The following DMD variants were observed in gnomAD, a reference collection of about 807,000 sequenced individuals.
DMD encodes mutant dystrophin.
Under a neutral mutation model 330.1 loss-of-function variants are expected in DMD, and 63 were observed. That is an observed-to-expected ratio of 0.19 (90% confidence interval 0.16 to 0.24). The LOEUF is 0.24. Ranked by LOEUF, DMD falls within the 10% of genes least tolerant of loss-of-function variation. The pLI, the probability that DMD is intolerant of heterozygous loss-of-function variation, is 1.00. For missense variants in DMD, 3,344 were observed against 2,684.1 expected (o/e 1.25, Z -5.43); for synonymous variants, 1,223 against 959.8 (o/e 1.27, Z -5.07).
At chrX:31,997,610 C>A (rs1176883285) in intron 44 of DMD, among the ~76,000 whole-genome samples, 1 of 110,009 alleles carries the variant, frequency 9.1e-6, no homozygotes, top group African/African-American at 3.3e-5. Flanking sequence ...AAGATTTGTG[C>A]ACGTATTTTT....
intron 44 of DMD, among the ~76,000 whole-genome samples, chrX:32,042,025 TCA>T (rs1491286362): frequency 4.8e-5 from 1 of 20,629 alleles, no homozygotes; most frequent in Admixed American, 6.5e-4. Context: ...CTCTCTCTGT[TCA>T]TATATATATA....
chrX:32,706,185 T>C (rs1325365553), intron 7 of DMD, among the ~76,000 whole-genome samples: 1 of 81,608 alleles, frequency 1.2e-5, no homozygotes, highest in Non-Finnish European at 2.2e-5. Context: ...AAGAGAACAC[T>C]TGGACACAGG....
intron 44 of DMD, among the ~76,000 whole-genome samples, chrX:32,038,125 T>G (rs2095965326): frequency 8.9e-6 from 1 of 111,749 alleles, no homozygotes; most frequent in Non-Finnish European, 1.9e-5. Context: ...GAATAAACTG[T>G]AAATAGTCAT....
intron 12 of DMD, among the ~76,000 whole-genome samples, chrX:32,597,936 T>TC (rs1232177142): frequency 8.9e-6 from 1 of 112,231 alleles, no homozygotes; most frequent in East Asian, 2.8e-4. Context: ...TTGGGACATT[T>TC]CCCGTTACTT....
intron 43 of DMD, among the ~76,000 whole-genome samples, chrX:32,232,575 A>G (rs769526118): frequency 1.8e-5 from 2 of 111,905 alleles, no homozygotes; most frequent in Non-Finnish European, 1.9e-5. Flanking sequence ...ATGTCATCAC[A>G]TCTGACTTAC....
intron 16 of DMD, among the ~76,000 whole-genome samples, chrX:32,560,496 G>T (rs5927079): frequency 0.27 from 29,181 of 108,960 alleles, 3,218 homozygotes; most frequent in Non-Finnish European, 0.35. Flanking sequence ...GTTTGTTATG[G>T]AGGTAAATGT....
At chrX:31,309,661 G>A (rs1400618548) in intron 62 of DMD, among the ~76,000 whole-genome samples, 1 of 111,750 alleles carries the variant, frequency 8.9e-6, no homozygotes, top group Non-Finnish European at 1.9e-5. Flanking sequence ...GAAGTGCTGG[G>A]CACAGATAGA....
intron 44 of DMD, among the ~76,000 whole-genome samples, chrX:32,079,780 T>A (rs1056133772): frequency 8.9e-6 from 1 of 111,997 alleles, no homozygotes; most frequent in Non-Finnish European, 1.9e-5. Context: ...TTGTTTTCTG[T>A]CTCCTGTGAG....
In DMD at chrX:32,650,896, A is replaced by G. The variant is rs926413213; in HGVS notation, c.961-5744T>C. On this transcript the variant is annotated intron_variant, in intron 9 of 78. Transcript: ENST00000357033. ...TCAGTCAATTTGCTAATCACTTAACACGCATTATATCATTTTTCACTACAA... is the reference window on the plus strand; with the variant it reads ...TCAGTCAATTTGCTAATCACTTAACGCGCATTATATCATTTTTCACTACAA... Among the ~76,000 whole-genome samples the G allele has an allele frequency of 2.7e-5, 3 of 111,651 alleles. No homozygotes were observed. The Admixed American group carries it at 2.9e-4, about 11-fold the overall frequency.
chrX:31,555,326 G>A (rs764332105), intron 55 of DMD, among the ~76,000 whole-genome samples: 4 of 111,749 alleles, frequency 3.6e-5, no homozygotes, highest in Middle Eastern at 4.6e-3. Flanking sequence ...AAGATAAGTA[G>A]TTAGCAAGCA....
At chrX:32,232,286 G>A (rs1282215402) in intron 43 of DMD, among the ~76,000 whole-genome samples, 2 of 111,735 alleles carry the variant, frequency 1.8e-5, no homozygotes, top group Non-Finnish European at 3.8e-5. Flanking sequence ...TAATTTCAAG[G>A]CAGATTTCAG....
intron 42 of DMD, among the ~76,000 whole-genome samples, chrX:32,302,437 CA>C (rs745692981): frequency 1.2e-3 from 128 of 111,220 alleles, no homozygotes; most frequent in Non-Finnish European, 1.9e-3. Context: ...AGAATATGAT[CA>C]AAAGTTTGTA....
At chrX:31,548,197 A>G (rs148293732) in intron 55 of DMD, among the ~76,000 whole-genome samples, 50 of 111,870 alleles carry the variant, frequency 4.5e-4, no homozygotes, top group African/African-American at 1.5e-3. Context: ...GTGCCACTCA[A>G]TGGTTCATAG....
rs772083111 is a variant in DMD, at chrX:32,485,109, A to G, written c.2623-10T>C. ...GCCGGTTGACTTCATCCTGTGCCAT[A>G]GAGTATGGAAAGTAAGTAACACGTT... On this transcript the variant is annotated splice_polypyrimidine_tract_variant and intron_variant, in intron 20 of 78. Transcript: ENST00000357033. 11 of 1,204,051 alleles carry G rather than the reference A, an allele frequency of 9.1e-6. No individual in the cohort carries two copies. In the South Asian group the frequency reaches 1.6e-4, roughly 17 times the overall value.
intron 7 of DMD, among the ~76,000 whole-genome samples, chrX:32,735,518 C>T (rs1436880326): frequency 2.7e-5 from 3 of 111,521 alleles, no homozygotes; most frequent in African/African-American, 6.6e-5. Context: ...TCAAACTATA[C>T]TACAAGGCTG....
intron 1 of DMD, among the ~76,000 whole-genome samples, chrX:33,295,305 A>G (rs1226206974): frequency 9.0e-6 from 1 of 110,723 alleles, no homozygotes; most frequent in African/African-American, 3.3e-5. Context: ...ATCTCATCCC[A>G]GCTCCACACT....
intron 49 of DMD, among the ~76,000 whole-genome samples, chrX:31,835,404 A>C (rs1305448399): frequency 8.9e-6 from 1 of 111,971 alleles, no homozygotes; most frequent in Non-Finnish European, 1.9e-5. Context: ...TTTCTTCAGA[A>C]CATCAACGGA....
intron 9 of DMD, among the ~76,000 whole-genome samples, chrX:32,690,846 C>T (rs188144399): frequency 9.9e-5 from 11 of 111,221 alleles, no homozygotes; most frequent in East Asian, 2.8e-4. Context: ...CAACTCCAAA[C>T]GGATAAAATA....
chrX:32,735,091 A>T lies in DMD; in HGVS notation c.650-35798T>A, dbSNP rs941698488. Among the ~76,000 whole-genome samples the T allele has an allele frequency of 1.8e-5, 2 of 110,107 alleles. 1 individual carries two copies. The highest frequency in any genetic ancestry group is 1.9e-4 in the Admixed American group (2 of 10,332). ...GTCTCAGGATACAAAATCAATGTAC[A>T]AAAATCACAAGCATTCTTATACACC... On this transcript the variant is annotated intron_variant, in intron 7 of 78. Coordinates refer to ENST00000357033, the MANE Select transcript of DMD (RefSeq NM_004006.3).
Sources: gnomAD v4.1 joint callset for allele counts (sites outside exome capture counted in the v4.1 genomes callset) on GRCh38, gnomAD v4.1.1 for gene constraint, MANE v1.5 for transcripts, NCBI Gene and HGNC (gene_info 2026-07-23, HGNC 2026-07-21) for gene names.